Variants in DNAI4 observed in about 807,000 individuals in gnomAD.
The protein encoded by DNAI4 is WD repeat domain 78.
A neutral mutation model predicts 105.8 loss-of-function variants in DNAI4; 85 were observed. The ratio of observed to expected loss-of-function variants is 0.80; its 90% CI spans 0.67 to 0.96. The LOEUF (loss-of-function observed/expected upper bound fraction) is 0.96. Ranked by LOEUF, DNAI4 falls within the 40% of genes least tolerant of loss-of-function variation. The probability of loss-of-function intolerance (pLI) is 0.00; values close to 1 mark genes in which losing one functional copy is unlikely to be tolerated. For synonymous variants in DNAI4, 352 were observed against 331.5 expected, an observed-to-expected ratio of 1.06 and a Z score of -0.67; for missense variants, 1,014 against 1,005.6, an observed-to-expected ratio of 1.01 and a Z score of -0.11.
intron 1 of DNAI4, among the ~76,000 whole-genome samples, chr1:66,914,933 TAATA>T (rs1231126781): frequency 1.3e-5 from 2 of 152,232 alleles, no homozygotes; most frequent in Non-Finnish European, 2.9e-5. Context: ...GTAAAATCTT[TAATA>T]AATAAGCTAG....
chr1:66,905,997 C>G (rs1649219840), intron 1 of DNAI4, among the ~76,000 whole-genome samples: 1 of 137,048 alleles, frequency 7.3e-6, no homozygotes. Context: ...GATCTCGGCT[C>G]ACCGCAACCT....
Position 66,879,083 on chromosome 1 carries a change from T to C in DNAI4, c.644-4146A>G, listed in dbSNP as rs72671683. On this transcript the variant is annotated intron_variant, in intron 4 of 16. Coordinates refer to ENST00000371026, the MANE Select transcript of DNAI4 (RefSeq NM_024763.5). ...TCACTTTTTGTGTTGTAATATTCTT[T>C]GGGTTTTAGTAAAGGCATGGTGCTA... 2.7e-3 allele frequency among the ~76,000 whole-genome samples: 412 copies of C among 152,334 alleles called. 1 individual carries two copies. The highest frequency in any genetic ancestry group is 4.6e-3 in the Admixed American group (71 of 15,298).
At chr1:66,873,852 C>CTTTTT (rs749140367) in intron 5 of DNAI4, among the ~76,000 whole-genome samples, 37 of 110,142 alleles carry the variant, frequency 3.4e-4, no homozygotes, top group East Asian at 5.0e-4. Context: ...TCCCTCTTTC[C>CTTTTT]TTTTTTTTTT....
chr1:66,828,913 T>A (rs1645809628), intron 13 of DNAI4, among the ~76,000 whole-genome samples: 1 of 152,176 alleles, frequency 6.6e-6, no homozygotes, highest in South Asian at 2.1e-4. Context: ...CTAACACCAT[T>A]TATAAGTGGT....
chr1:66,828,713 T>C (rs564746054), intron 13 of DNAI4, among the ~76,000 whole-genome samples: 1 of 152,334 alleles, frequency 6.6e-6, no homozygotes, highest in South Asian at 2.1e-4. Context: ...ATTTACCTTT[T>C]TATTTTCTTT....
intron 2 of DNAI4, among the ~76,000 whole-genome samples, chr1:66,895,282 C>G (rs1257338168): frequency 1.3e-5 from 2 of 152,114 alleles, no homozygotes; most frequent in South Asian, 2.1e-4. Flanking sequence ...GGTTTGAGAC[C>G]AGCCTGAACA....
At chr1:66,833,969 T>A in intron 12 of DNAI4, 22 bp downstream of exon 12, 1 of 1,568,810 alleles carries the variant, frequency 6.4e-7, no homozygotes, top group East Asian at 2.3e-5. Context: ...ACAAGAAAAA[T>A]ATAACTTGAT....
In DNAI4 at chr1:66,908,624, T is replaced by C. The variant is rs573902852; in HGVS notation, c.171-3249A>G. On this transcript the variant is annotated intron_variant, in intron 1 of 16. Transcript: ENST00000371026. ...GGCAATGACTTCCTATCTATTAGAC[T>C]AACTATACCCTAAATTTTGCAATAA... 4.6e-5 allele frequency among the ~76,000 whole-genome samples: 7 copies of C among 152,334 alleles called. No individual in the cohort carries two copies. In the South Asian group the frequency reaches 1.4e-3, roughly 32 times the overall value.
At chr1:66,846,162 G>A (rs937733412) in intron 8 of DNAI4, among the ~76,000 whole-genome samples, 4 of 151,914 alleles carry the variant, frequency 2.6e-5, no homozygotes, top group African/African-American at 9.7e-5. Flanking sequence ...AGTACTATGT[G>A]AATTGCAACC....
chr1:66,814,127 G>A lies in DNAI4; in HGVS notation c.*3C>T, dbSNP rs1645463827. The A allele has an allele frequency of 1.3e-6, 2 of 1,585,976 alleles. No individual in the cohort carries two copies. The highest frequency in any genetic ancestry group is 2.3e-5 in the South Asian group (2 of 87,218). ...CTACAAGAAAAATATTAGGAATGAT[G>A]AATTATGCTGATTGGTTTGACTTGG... On this transcript the variant is annotated 3_prime_UTR_variant, in exon 17 of 17. Transcript: ENST00000371026.
At chr1:66,865,722 T>A (rs896113663) in intron 6 of DNAI4, among the ~76,000 whole-genome samples, 1 of 152,160 alleles carries the variant, frequency 6.6e-6, no homozygotes, top group Non-Finnish European at 1.5e-5. Flanking sequence ...TTTCTGCAAG[T>A]GGACAGACTT....
chr1:66,856,149 A>C (rs539641130), intron 7 of DNAI4, among the ~76,000 whole-genome samples: 2 of 151,740 alleles, frequency 1.3e-5, no homozygotes, highest in Non-Finnish European at 2.9e-5. Flanking sequence ...ATACACTTGA[A>C]TATCACCAGC....
intron 10 of DNAI4, among the ~76,000 whole-genome samples, chr1:66,836,299 AGAAAGAAAGAAAGAAAGAAAGAAAGAAG>A (rs1217327034): frequency 2.0e-5 from 3 of 150,350 alleles, no homozygotes; most frequent in African/African-American, 7.4e-5. Context: ...AAAGAAAGAA[AGAAAGAAAGAAAGAAAGAAAGAAAGAAG>A]GAAAGAGGGA....
At chr1:66,859,436 C>T (rs903438086) in intron 7 of DNAI4, among the ~76,000 whole-genome samples, 2 of 152,138 alleles carry the variant, frequency 1.3e-5, no homozygotes, top group Admixed American at 6.5e-5. Flanking sequence ...ATCCAAAAAT[C>T]GGGCTCCTAG....
At position 66,813,501 on chromosome 1, in the gene DNAI4, T is replaced by C. The variant is rs1435074331; in HGVS notation, c.*629A>G. On this transcript the variant is annotated 3_prime_UTR_variant, in exon 17 of 17. Transcript: ENST00000371026. Reference sequence around the variant, plus strand: ...GCAAACAGAGAAGAGTACCCTGTTGTGTCCCAGATGAATTTTTCTCACTGA... The same window carrying C: ...GCAAACAGAGAAGAGTACCCTGTTGCGTCCCAGATGAATTTTTCTCACTGA... The C allele has an allele frequency of 6.6e-6, 1 of 152,362 alleles. No homozygotes were observed. The highest frequency in any genetic ancestry group is 2.4e-5 in the African/African-American group (1 of 41,460). 9.4% of individuals were successfully genotyped at this position (152,362 alleles called of 1,614,324 possible).
intron 10 of DNAI4, among the ~76,000 whole-genome samples, chr1:66,836,222 GAGAGAGAGAGAGAAAGAA>G (rs1646001039): frequency 1.2e-4 from 13 of 110,090 alleles, no homozygotes; most frequent in African/African-American, 3.8e-4. Flanking sequence ...GAGAGAGAGA[GAGAGAGAGAGAGAAAGAA>G]AGAAAGAGAG....
intron 7 of DNAI4, chr1:66,860,811 G>A (rs537362006): frequency 6.6e-6 from 1 of 152,114 alleles, no homozygotes; most frequent in Non-Finnish European, 1.5e-5. Flanking sequence ...ATTGTTCTGA[G>A]CAGTTTTTGA....
In DNAI4 at chr1:66,814,056, A is replaced by G; in HGVS notation, c.*74T>C. Reference sequence around the variant, plus strand: ...TTTCTGAAATCAAAATCTGGTGTACAGTATGTAATACAGAATATTGGATGT... The same window carrying G: ...TTTCTGAAATCAAAATCTGGTGTACGGTATGTAATACAGAATATTGGATGT... On this transcript the variant is annotated 3_prime_UTR_variant, in exon 17 of 17. Transcript: ENST00000371026. The G allele has an allele frequency of 1.8e-6, 2 of 1,125,430 alleles. No homozygotes were observed. The highest frequency in any genetic ancestry group is 2.5e-6 in the Non-Finnish European group (2 of 796,562). 69.7% of individuals were successfully genotyped at this position (1,125,430 alleles called of 1,614,324 possible). A position where few individuals can be genotyped will look rare whatever the true frequency, so the allele number is the denominator to read the frequency against.
chr1:66,864,026 A>G (rs1646681427), intron 6 of DNAI4, among the ~76,000 whole-genome samples: 1 of 152,212 alleles, frequency 6.6e-6, no homozygotes, highest in Non-Finnish European at 1.5e-5. Context: ...TAACTGTTAC[A>G]TAAATAAATA....
Sources: allele counts gnomAD v4.1 joint callset (sites outside exome capture counted in the v4.1 genomes callset), GRCh38; gene constraint gnomAD v4.1.1; transcripts MANE v1.5; gene names NCBI Gene and HGNC (gene_info 2026-07-23, HGNC 2026-07-21).